The following RNF14 variants were observed in gnomAD, a reference collection of about 807,000 sequenced individuals.
RNF14 encodes ring finger protein 14, also known as E3 ubiquitin-protein ligase RNF14.
In RNF14, 26 loss-of-function variants were observed where a neutral mutation model predicts 52.6. That is an observed-to-expected ratio of 0.49 (90% CI 0.36 to 0.69). The LOEUF (loss-of-function observed/expected upper bound fraction) is 0.69, where lower values mean the gene tolerates loss of function less well. Ranked by LOEUF, RNF14 falls within the 30% of genes least tolerant of loss-of-function variation. The pLI is 0.00. For missense variants in RNF14, 404 were observed against 560.4 expected, an observed-to-expected ratio of 0.72 and a Z score of 2.82; for synonymous variants, 194 against 202.0, an observed-to-expected ratio of 0.96 and a Z score of 0.34.
At position 141,973,671 on chromosome 5, in the gene RNF14, CAG is replaced by C. The variant is rs753546885; in HGVS notation, c.86_87del (p.Glu29ValfsTer27). On this transcript the variant is annotated frameshift_variant, in exon 3 of 9. Coordinates refer to ENST00000394520, the MANE Select transcript of RNF14 (RefSeq NM_004290.5). LOFTEE classifies it high-confidence loss of function. ...TACGATGGAGATGAATTTAGAAAAG[CAG>C]AGTCTGTCCAAGGTGGAGAAACCAG... is the stretch of plus-strand genomic sequence containing the variant. 2 of 1,613,810 alleles carry C rather than the reference CAG, an allele frequency of 1.2e-6. No homozygotes were observed. Among genetic ancestry groups the C allele is most frequent in the South Asian group, 1.1e-5 (1 of 91,020 alleles).
At chr5:141,951,846 T>C in the RNF14 span, among the ~76,000 whole-genome samples, 66 of 152,352 alleles carry the variant, frequency 4.3e-4, no homozygotes, top group Middle Eastern at 6.8e-3. Context: ...TGTCCCCTCA[T>C]ACTCATTCCT....
At chr5:141,970,320 G>A (rs546383209) in intron 1 of RNF14, among the ~76,000 whole-genome samples, 62 of 152,192 alleles carry the variant, frequency 4.1e-4, no homozygotes, top group Non-Finnish European at 1.6e-4. Context: ...ATGAACAAGA[G>A]AGGAAAAACT....
upstream of RNF14, among the ~76,000 whole-genome samples, chr5:141,964,980 A>G (rs971165504): frequency 4.6e-5 from 7 of 151,928 alleles, no homozygotes; most frequent in Admixed American, 2.0e-4. Flanking sequence ...CCCACATGAT[A>G]ATAGACTTTT....
At position 141,980,311 on chromosome 5, in the gene RNF14, G is replaced by C. The variant is rs1386076858; in HGVS notation, c.1023G>C (p.Arg341Ser). The change falls in exon 6 of 9, where the codon AGG (arginine) becomes AGC (serine). Residue 341 changes from arginine (R) to serine (S), a missense_variant. Arg to Ser is a moderately radical substitution (Grantham distance 110, BLOSUM62 -1). Coordinates refer to ENST00000394520, the MANE Select transcript of RNF14 (RefSeq NM_004290.5). The stretch of plus-strand genomic sequence containing the variant: ...ATTTTGCCTTCTGTACTTTGTGCAG[G>C]TTGACCTACCATGGGGTCTCCCCAT... Reference protein sequence around the residue: ...SCNFAFCTLCRLTYHGVSPCK... With the variant: ...SCNFAFCTLCSLTYHGVSPCK... 6.2e-7 allele frequency: 1 copy of C among 1,614,176 alleles called. No homozygotes were observed.
chr5:141,956,767 A>G, upstream of RNF14: 1 of 1,614,242 alleles, frequency 6.2e-7, no homozygotes, highest in Non-Finnish European at 8.5e-7. Flanking sequence ...TTCTGACACC[A>G]GTGATGGCTG....
upstream of RNF14, chr5:141,955,296 A>C (rs750172243): frequency 6.2e-7 from 1 of 1,613,964 alleles, no homozygotes; most frequent in South Asian, 1.1e-5. The surrounding 1 kb of genome is among the most constrained non-coding windows in gnomAD (Gnocchi z 5.5). Flanking sequence ...TCTGCCTGGG[A>C]TGGTTGAAAA....
At chr5:141,957,602 C>T, upstream of RNF14, 1 of 1,614,216 alleles carries the variant, frequency 6.2e-7, no homozygotes, top group Non-Finnish European at 8.5e-7. This position sits in a 1 kb window ranked among gnomAD's most constrained non-coding sequence, Gnocchi z 4.3. Flanking sequence ...CTGAGCAAGC[C>T]TTCCTCAGAG....
chr5:141,956,167 G>T (rs1753180386), upstream of RNF14: 4 of 1,614,224 alleles, frequency 2.5e-6, no homozygotes, highest in Middle Eastern at 1.6e-4. Context: ...CACCTCTGGG[G>T]CATTATCATT....
chr5:141,985,587 G>A (rs1021817978), intron 8 of RNF14, among the ~76,000 whole-genome samples: 4 of 151,408 alleles, frequency 2.6e-5, no homozygotes, highest in Admixed American at 1.3e-4. Flanking sequence ...TCAGAGTCTC[G>A]CTCTGTCGCC....
upstream of RNF14, chr5:141,957,727 G>T: frequency 1.9e-6 from 3 of 1,614,002 alleles, no homozygotes; most frequent in Non-Finnish European, 2.5e-6. This position sits in a 1 kb window ranked among gnomAD's most constrained non-coding sequence, Gnocchi z 4.3. Flanking sequence ...CACTGTACCA[G>T]ATGGCACTTC....
chr5:141,976,833 GGCTGGA>G (rs1754313772), intron 4 of RNF14, among the ~76,000 whole-genome samples: 3 of 146,658 alleles, frequency 2.0e-5, no homozygotes, highest in African/African-American at 7.6e-5. Context: ...CTGTCACCCA[GGCTGGA>G]GCACAGGGGC....
At chr5:141,957,456 C>A (rs1251532748), upstream of RNF14, 2 of 1,612,400 alleles carry the variant, frequency 1.2e-6, no homozygotes, top group Admixed American at 3.3e-5. The surrounding 1 kb of genome is among the most constrained non-coding windows in gnomAD (Gnocchi z 4.3). Context: ...GAAACCGTGG[C>A]TGGTGGTCAT....
At chr5:141,949,553 A>T in the RNF14 span, 2 of 1,613,972 alleles carry the variant, frequency 1.2e-6, no homozygotes, top group African/African-American at 1.3e-5. Context: ...CAGCCCTTGC[A>T]CTTGGGCCAT....
upstream of RNF14, among the ~76,000 whole-genome samples, chr5:141,968,033 A>T (rs116589485): frequency 6.6e-6 from 1 of 151,960 alleles, no homozygotes; most frequent in Non-Finnish European, 1.5e-5. Context: ...TCTGGCAACC[A>T]CTAAACTACT....
rs115034640 is a variant in RNF14, at chr5:141,988,771, A to G, written c.*981A>G. ...CATATAGTGACAGTATAACCTGTCT[A>G]TACTACAGTAGTTCCAGTCCTAACT... On this transcript the variant is annotated 3_prime_UTR_variant, in exon 9 of 9. Transcript: ENST00000394520. 0.01 allele frequency: 1,563 copies of G among 152,490 alleles called. 22 individuals carry two copies. The highest frequency in any genetic ancestry group is 0.02 in the Middle Eastern group (6 of 294). 9.4% of individuals were successfully genotyped at this position (152,490 alleles called of 1,614,324 possible).
chr5:141,954,293 C>T (rs1295728564), upstream of RNF14, among the ~76,000 whole-genome samples: 3 of 152,190 alleles, frequency 2.0e-5, no homozygotes, highest in South Asian at 2.1e-4. Context: ...TTATTTGCAA[C>T]ACCTGGGTTT....
At chr5:141,975,088 T>C (rs1195761372) in intron 4 of RNF14, 133 bp downstream of exon 4, 3 of 912,288 alleles carry the variant, frequency 3.3e-6, no homozygotes, top group Non-Finnish European at 5.0e-6. Context: ...TTTTTTTCCC[T>C]TGCCTTGGTG....
chr5:141,984,091 T>C (rs926011462), intron 7 of RNF14, among the ~76,000 whole-genome samples: 4 of 151,358 alleles, frequency 2.6e-5, no homozygotes, highest in African/African-American at 9.7e-5. Flanking sequence ...ACTAGGACTA[T>C]ATGTAATCAC....
In RNF14 at chr5:141,978,612, C is replaced by T; in HGVS notation, c.616C>T (p.Gln206Ter). The T allele has an allele frequency of 6.2e-7, 1 of 1,614,004 alleles. No individual in the cohort carries two copies. The highest frequency in any genetic ancestry group is 8.5e-7 in the Non-Finnish European group (1 of 1,179,880). Residue 206 changes from glutamine (Q) to a stop codon, truncating the protein, a stop_gained, in exon 5 of 9, where the codon CAA (glutamine) becomes TAA (stop). Coordinates refer to ENST00000394520, the MANE Select transcript of RNF14 (RefSeq NM_004290.5). LOFTEE classifies it high-confidence loss of function. ...NLIQEILDFD[Q>*]AQQIKCFNSK... Reference sequence around the variant, plus strand: ...GATCCAGGAAATCTTGGACTTTGATCAAGCTCAGCAGATAAAATGCTTTAA... The same window carrying T: ...GATCCAGGAAATCTTGGACTTTGATTAAGCTCAGCAGATAAAATGCTTTAA...
Sources: gnomAD v4.1 joint callset for allele counts (sites outside exome capture counted in the v4.1 genomes callset) on GRCh38, gnomAD v4.1.1 for gene constraint, Gnocchi (gnomAD v3.1) non-coding constraint, MANE v1.5 for transcripts, NCBI Gene and HGNC (gene_info 2026-07-23, HGNC 2026-07-21) for gene names.